Variants in SOX6 observed in about 807,000 individuals in gnomAD.
SOX6 encodes SRY-box transcription factor 6, also known as transcription factor SOX-6.
SOX6 carries 11 observed loss-of-function variants against 97.8 expected under a neutral mutation model. The ratio of observed to expected loss-of-function variants is 0.11; its 90% CI spans 0.07 to 0.19. The LOEUF (loss-of-function observed/expected upper bound fraction) is 0.19, where lower values mean the gene tolerates loss of function less well. Among genes scored for constraint, SOX6 ranks in the 10% least tolerant of loss-of-function variants. SOX6 has a pLI of 1.00. For missense variants in SOX6, 810 were observed against 1,039.5 expected (o/e 0.78, Z 3.04); for synonymous variants, 360 against 371.4 (o/e 0.97, Z 0.35).
In SOX6 at chr11:16,082,061, T is replaced by C. The variant is rs188994135; in HGVS notation, c.1101+13935A>G. On this transcript the variant is annotated intron_variant, in intron 9 of 15. Transcript: ENST00000683767. ...TTTATTCCTTTTTAAAACAGACTGGTAATTGTCACCCTAAAAACACTGAAT... is the reference window on the plus strand; with the variant it reads ...TTTATTCCTTTTTAAAACAGACTGGCAATTGTCACCCTAAAAACACTGAAT... 1.4e-3 allele frequency among the ~76,000 whole-genome samples: 217 copies of C among 152,316 alleles called. 1 individual carries two copies. The highest frequency in any genetic ancestry group is 4.8e-3 in the African/African-American group (198 of 41,590).
intron 6 of SOX6, among the ~76,000 whole-genome samples, chr11:16,143,480 G>C (rs558883242): frequency 1.2e-3 from 179 of 152,262 alleles, no homozygotes; most frequent in Middle Eastern, 3.4e-3. Context: ...CATAATGACA[G>C]GATCAAATTC....
chr11:16,081,596 A>G (rs1848474290), intron 9 of SOX6, among the ~76,000 whole-genome samples: 1 of 152,150 alleles, frequency 6.6e-6, no homozygotes, highest in Non-Finnish European at 1.5e-5. Flanking sequence ...TTATGTCGCT[A>G]TGCAGCTCTT....
intron 13 of SOX6, among the ~76,000 whole-genome samples, chr11:15,989,917 G>A (rs1465399176): frequency 6.6e-6 from 1 of 152,080 alleles, no homozygotes; most frequent in Non-Finnish European, 1.5e-5. Flanking sequence ...CATTAACAGG[G>A]CACCAAAAAA....
At chr11:16,655,877 G>A (rs1847713199) in intron 3 of SOX6, among the ~76,000 whole-genome samples, 1 of 151,852 alleles carries the variant, frequency 6.6e-6, no homozygotes, top group African/African-American at 2.4e-5. Flanking sequence ...ACTGAGGCAG[G>A]AGGATCACTT....
Position 15,991,267 on chromosome 11 carries a change from A to C in SOX6, c.1733-2037T>G, listed in dbSNP as rs188386527. ...TAAAATGCACTGACCATACAGGATAAATTGATTTCACTTTATATGGGTTTG... is the reference window on the plus strand; with the variant it reads ...TAAAATGCACTGACCATACAGGATACATTGATTTCACTTTATATGGGTTTG... On this transcript the variant is annotated intron_variant, in intron 13 of 15. Transcript: ENST00000683767. 8.5e-5 allele frequency among the ~76,000 whole-genome samples: 13 copies of C among 152,308 alleles called. No homozygotes were observed. In the East Asian group the frequency reaches 2.5e-3, roughly 29 times the overall value.
intron 9 of SOX6, among the ~76,000 whole-genome samples, chr11:16,079,525 AAAT>A (rs1848428354): frequency 2.0e-5 from 3 of 152,266 alleles, no homozygotes; most frequent in South Asian, 2.1e-4. Flanking sequence ...TAATGAACAA[AAAT>A]AATAATACAT....
At chr11:16,708,225 A>C (rs1300611653) in intron 3 of SOX6, among the ~76,000 whole-genome samples, 1 of 152,190 alleles carries the variant, frequency 6.6e-6, no homozygotes, top group Non-Finnish European at 1.5e-5. Flanking sequence ...AAATTCATTG[A>C]TCTTACGTTT....
At chr11:16,307,719 A>G (rs1238267126) in intron 3 of SOX6, among the ~76,000 whole-genome samples, 1 of 152,210 alleles carries the variant, frequency 6.6e-6, no homozygotes, top group Non-Finnish European at 1.5e-5. Context: ...TATATATATT[A>G]GCATAATAAT....
intron 13 of SOX6, among the ~76,000 whole-genome samples, chr11:16,002,083 T>G (rs1854422281): frequency 6.6e-6 from 1 of 152,204 alleles, no homozygotes; most frequent in Non-Finnish European, 1.5e-5. Context: ...ATTAGCCCAT[T>G]TCCTGCTTAG....
chr11:16,120,893 A>C (rs1319008916), intron 6 of SOX6, among the ~76,000 whole-genome samples: 1 of 152,090 alleles, frequency 6.6e-6, no homozygotes, highest in African/African-American at 2.4e-5. Context: ...GTTACAGAGG[A>C]AAGAAATAAT....
intron 6 of SOX6, among the ~76,000 whole-genome samples, chr11:16,138,656 C>T (rs1275155692): frequency 3.3e-5 from 5 of 151,870 alleles, no homozygotes. Flanking sequence ...CCCATTAACT[C>T]GTCATTTAGC....
intron 1 of SOX6, among the ~76,000 whole-genome samples, chr11:16,737,586 G>C (rs1031788230): frequency 3.3e-5 from 5 of 152,050 alleles, no homozygotes; most frequent in African/African-American, 1.2e-4. Flanking sequence ...CAAGGATTCT[G>C]ACAGAAAGTT....
intron 3 of SOX6, among the ~76,000 whole-genome samples, chr11:16,657,268 A>AT (rs1847730339): frequency 6.6e-6 from 1 of 152,180 alleles, no homozygotes; most frequent in Non-Finnish European, 1.5e-5. Context: ...TCCTCCATAT[A>AT]TTTTTATGGC....
Position 16,202,794 on chromosome 11 carries a change from C to A in SOX6, c.536-15839G>T, listed in dbSNP as rs575160573. 1.3e-3 allele frequency among the ~76,000 whole-genome samples: 193 copies of A among 152,180 alleles called. 1 individual carries two copies. The highest frequency in any genetic ancestry group is 4.0e-3 in the African/African-American group (166 of 41,540). On this transcript the variant is annotated intron_variant, in intron 4 of 15. Transcript: ENST00000683767. ...GCTATAAATGAAATATAATTACTAA[C>A]CTAACACAGAAATAAATGTATTTAA... is the stretch of plus-strand genomic sequence containing the variant.
In SOX6 at chr11:16,605,206, G is replaced by T. The variant is rs1848320840; in HGVS notation, n.609+6875C>A. 6.6e-6 allele frequency among the ~76,000 whole-genome samples: 1 copy of T among 152,006 alleles called. No individual in the cohort carries two copies. Among genetic ancestry groups the T allele is most frequent in the Non-Finnish European group, 1.5e-5 (1 of 67,964 alleles). ...GGGGCCCCGGCAGGGCGCCGAGAAGGACGGAGGGCGCCGGCTGGGCTCAGG... is the reference window on the plus strand; with the variant it reads ...GGGGCCCCGGCAGGGCGCCGAGAAGTACGGAGGGCGCCGGCTGGGCTCAGG... On this transcript the variant is annotated intron_variant and non_coding_transcript_variant, in intron 4 of 5. Coordinates refer to the SOX6 transcript ENST00000524520. This position sits in a 1 kb window ranked among gnomAD's most constrained non-coding sequence, Gnocchi z 5.3.
At chr11:16,642,609 A>C (rs1281133298) in intron 3 of SOX6, among the ~76,000 whole-genome samples, 2 of 151,876 alleles carry the variant, frequency 1.3e-5, no homozygotes, top group East Asian at 1.9e-4. Flanking sequence ...GGCTTTGTTC[A>C]TTTCTTTTTA....
At chr11:16,510,077 C>T (rs1421321844) in intron 4 of SOX6, among the ~76,000 whole-genome samples, 1 of 151,912 alleles carries the variant, frequency 6.6e-6, no homozygotes, top group Non-Finnish European at 1.5e-5. Context: ...GAAAGATTTA[C>T]CAATCTAATG....
At chr11:16,014,241 A>T (rs1192119644) in intron 13 of SOX6, among the ~76,000 whole-genome samples, 4 of 152,074 alleles carry the variant, frequency 2.6e-5, no homozygotes, top group African/African-American at 7.2e-5. Context: ...ACAAACAAAC[A>T]AAAAGGGAAA....
At chr11:16,611,300 T>C (rs1848395264) in intron 4 of SOX6, among the ~76,000 whole-genome samples, 1 of 152,336 alleles carries the variant, frequency 6.6e-6, no homozygotes, top group Non-Finnish European at 1.5e-5. Context: ...GAATTCCCGC[T>C]TTGAAAGACT....
Sources: gnomAD v4.1 joint callset for allele counts (sites outside exome capture counted in the v4.1 genomes callset) on GRCh38, gnomAD v4.1.1 for gene constraint, Gnocchi (gnomAD v3.1) non-coding constraint, MANE v1.5 for transcripts, NCBI Gene and HGNC (gene_info 2026-07-23, HGNC 2026-07-21) for gene names.